GATAD2B: variants seen among roughly 807,000 people sequenced by gnomAD.
GATAD2B encodes the protein GATA zinc finger domain containing 2B.
A neutral mutation model predicts 64.3 loss-of-function variants in GATAD2B; 8 were observed. That is an observed-to-expected ratio of 0.12 (90% CI 0.07 to 0.22). GATAD2B has a LOEUF of 0.22. GATAD2B is among the 10% of genes least tolerant of loss of function. The pLI, the probability that GATAD2B is intolerant of heterozygous loss-of-function variation, is 1.00. For missense variants in GATAD2B, 453 were observed against 752.0 expected (o/e 0.60, Z 4.65); for synonymous variants, 281 against 271.3 (o/e 1.04, Z -0.35).
intron 1 of GATAD2B, among the ~76,000 whole-genome samples, chr1:153,838,021 TAAATCTTTTC>T (rs1675336107): frequency 6.6e-6 from 1 of 152,212 alleles, no homozygotes; most frequent in Non-Finnish European, 1.5e-5. Context: ...GAAACTTACT[TAAATCTTTTC>T]AACAAGCTAC....
chr1:153,872,345 GTAATTTC>G (rs1398817503), intron 1 of GATAD2B, among the ~76,000 whole-genome samples: 1 of 147,940 alleles, frequency 6.8e-6, no homozygotes, highest in Non-Finnish European at 1.5e-5. Context: ...AAGCAACCCA[GTAATTTC>G]TAAAGGTTAG....
chr1:153,868,140 T>C (rs1456881238), intron 1 of GATAD2B, among the ~76,000 whole-genome samples: 1 of 151,964 alleles, frequency 6.6e-6, no homozygotes, highest in Non-Finnish European at 1.5e-5. Context: ...GGGAGGAGGT[T>C]GCATTGAGCT....
In GATAD2B at chr1:153,818,909, T is replaced by C. The variant is rs201225262; in HGVS notation, c.479A>G (p.Glu160Gly). 25 of 1,610,888 alleles carry C rather than the reference T, an allele frequency of 1.6e-5. No individual in the cohort carries two copies. The highest frequency in any genetic ancestry group is 1.0e-4 in the Admixed American group (6 of 60,002). The change falls in exon 4 of 11, where the codon GAG (glutamate) becomes GGG (glycine). Residue 160 changes from glutamate to glycine, a missense_variant. Glu to Gly is a moderately conservative substitution (Grantham distance 98). Coordinates refer to ENST00000368655, the MANE Select transcript of GATAD2B (RefSeq NM_020699.4). ...CTGCTTGATAAGCTGCTGCCGCTCC[T>C]CAATGCCTTTCCCCTAAGGAAACAA... is the stretch of plus-strand genomic sequence containing the variant. ...NLEMFKGKGI[E>G]ERQQLIKQLR...
chr1:153,845,700 G>A, intron 1 of GATAD2B, among the ~76,000 whole-genome samples: 1 of 152,044 alleles, frequency 6.6e-6, no homozygotes, highest in Non-Finnish European at 1.5e-5. Flanking sequence ...GGTTGAGGCT[G>A]CAGTGAGCAA....
rs553077514 is a variant in GATAD2B at position 153,883,702 on chromosome 1, CTTTT to C, written c.-2+39027_-2+39030del. 2.0e-4 allele frequency among the ~76,000 whole-genome samples: 29 copies of C among 144,394 alleles called. No individual in the cohort carries two copies. The Middle Eastern group carries it at 0.011, about 53-fold the overall frequency. The allele number at this position is 144,394 out of a possible 152,430, so 94.7% of individuals were successfully genotyped here. On this transcript the variant is annotated intron_variant, in intron 1 of 10. Transcript: ENST00000368655. ...GCTGAATACATCTGACTGCACTGGT[CTTTT>C]TTTTTTTTCTTTTTTATCAGTTTTT...
At chr1:153,851,832 A>G (rs1051425020) in intron 1 of GATAD2B, among the ~76,000 whole-genome samples, 1 of 152,202 alleles carries the variant, frequency 6.6e-6, no homozygotes, top group Non-Finnish European at 1.5e-5. Flanking sequence ...CAATGGCCAC[A>G]GAATGAGAAC....
chr1:153,837,914 C>G (rs1300825833), intron 1 of GATAD2B, among the ~76,000 whole-genome samples: 1 of 152,162 alleles, frequency 6.6e-6, no homozygotes, highest in Non-Finnish European at 1.5e-5. Flanking sequence ...ATAACAAATA[C>G]TATTTCTTAA....
intron 1 of GATAD2B, among the ~76,000 whole-genome samples, chr1:153,861,822 A>G (rs867100508): frequency 7.3e-6 from 1 of 136,260 alleles, no homozygotes; most frequent in African/African-American, 2.6e-5. Context: ...ACATATGTAT[A>G]TATATGTATA....
rs551220795 is a variant in GATAD2B, at chr1:153,810,965, A to G, written c.1649-655T>C. ...TTTTCAGTAGAGATGGGGTTTCATC[A>G]TGTTGGCCAGGGTGGTCTTGAACTC... On this transcript the variant is annotated intron_variant, in intron 10 of 10. Coordinates refer to ENST00000368655, the MANE Select transcript of GATAD2B (RefSeq NM_020699.4). Among the ~76,000 whole-genome samples the G allele has an allele frequency of 1.9e-3, 293 of 151,938 alleles. 1 individual carries two copies. The highest frequency in any genetic ancestry group is 3.5e-3 in the Non-Finnish European group (236 of 67,980).
rs1674312498 is a variant in GATAD2B, at chr1:153,812,094, G to A, written c.1458C>T (p.Ser486=). The change falls in exon 9 of 11, where the codon TCC becomes TCT. Residue 486 remains serine, a synonymous_variant. Coordinates refer to ENST00000368655, the MANE Select transcript of GATAD2B (RefSeq NM_020699.4). ...TGGACACAGCTGGAGCCGTAGTGGGGGAGAGGGCTGCCTGCTGCTGTAATC... is the reference window on the plus strand; with the variant it reads ...TGGACACAGCTGGAGCCGTAGTGGGAGAGAGGGCTGCCTGCTGCTGTAATC... ...EQRLQQQAAL[S]PTTAPAVSSV... 4 of 1,612,894 alleles carry A rather than the reference G, an allele frequency of 2.5e-6. No individual in the cohort carries two copies. Among genetic ancestry groups the A allele is most frequent in the Non-Finnish European group, 1.7e-6 (2 of 1,179,024 alleles).
intron 1 of GATAD2B, among the ~76,000 whole-genome samples, chr1:153,883,079 G>A (rs991555087): frequency 2.6e-5 from 4 of 152,126 alleles, no homozygotes; most frequent in Admixed American, 6.6e-5. Flanking sequence ...TATCTCCCAT[G>A]AATATGTCAT....
intron 1 of GATAD2B, among the ~76,000 whole-genome samples, chr1:153,877,566 A>G (rs1316919101): frequency 6.6e-6 from 1 of 152,050 alleles, no homozygotes; most frequent in Non-Finnish European, 1.5e-5. Flanking sequence ...GGCTCCTAAC[A>G]TCAAGAGAAA....
intron 1 of GATAD2B, among the ~76,000 whole-genome samples, chr1:153,836,374 C>A (rs532830117): frequency 6.0e-5 from 9 of 150,874 alleles, no homozygotes; most frequent in Non-Finnish European, 1.3e-4. Context: ...CCTCAGCCTT[C>A]CAAGTAGCTG....
At chr1:153,892,691 CCTT>C (rs1677453610) in intron 1 of GATAD2B, among the ~76,000 whole-genome samples, 1 of 139,198 alleles carries the variant, frequency 7.2e-6, no homozygotes, top group African/African-American at 2.7e-5. Flanking sequence ...TTGTAAGAAA[CCTT>C]TTTTTTTTTT....
At chr1:153,882,762 G>T (rs1677045980) in intron 1 of GATAD2B, among the ~76,000 whole-genome samples, 1 of 152,098 alleles carries the variant, frequency 6.6e-6, no homozygotes, top group Non-Finnish European at 1.5e-5. Context: ...TCATTCTATA[G>T]ACAAATCCAG....
At chr1:153,838,113 A>C (rs570597627) in intron 1 of GATAD2B, among the ~76,000 whole-genome samples, 2 of 152,332 alleles carry the variant, frequency 1.3e-5, no homozygotes, top group South Asian at 4.1e-4. Context: ...TTAGAAAGTA[A>C]ATCTGGAATT....
At chr1:153,852,315 T>G in intron 1 of GATAD2B, 3 of 1,015,666 alleles carry the variant, frequency 3.0e-6, no homozygotes, top group Non-Finnish European at 4.7e-6. Context: ...TGTCAGACAC[T>G]TCCTCAAAGG....
At chr1:153,869,044 G>A (rs1350778523) in intron 1 of GATAD2B, among the ~76,000 whole-genome samples, 4 of 152,154 alleles carry the variant, frequency 2.6e-5, no homozygotes, top group Admixed American at 1.3e-4. Flanking sequence ...TGTAATCCCA[G>A]CACTTTGGGA....
intron 1 of GATAD2B, among the ~76,000 whole-genome samples, chr1:153,832,754 T>C (rs766088515): frequency 2.0e-5 from 3 of 152,174 alleles, no homozygotes; most frequent in African/African-American, 4.8e-5. Context: ...ATCACCCAAA[T>C]AGCTAACATA....
Sources: gnomAD v4.1 joint callset for allele counts (sites outside exome capture counted in the v4.1 genomes callset) on GRCh38, gnomAD v4.1.1 for gene constraint, MANE v1.5 for transcripts, NCBI Gene and HGNC (gene_info 2026-07-23, HGNC 2026-07-21) for gene names.